ABCA13: variants seen among roughly 807,000 people sequenced by gnomAD.
The protein encoded by ABCA13 is ATP-binding cassette sub-family A member 13.
Under a neutral mutation model 478.7 loss-of-function variants are expected in ABCA13, and 476 were observed. The observed-to-expected ratio is 0.99, with a 90% CI of 0.92 to 1.07. The LOEUF is 1.07. Ranked by LOEUF, ABCA13 falls within the 50% of genes least tolerant of loss-of-function variation. ABCA13 has a pLI of 0.00. For synonymous variants in ABCA13, 2,252 were observed against 2,158.9 expected (o/e 1.04, Z -1.20); for missense variants, 6,060 against 5,910.6 (o/e 1.03, Z -0.83).
At chr7:48,373,217 T>C (rs1200181177) in intron 33 of ABCA13, among the ~76,000 whole-genome samples, 1 of 152,116 alleles carries the variant, frequency 6.6e-6, no homozygotes, top group Non-Finnish European at 1.5e-5. Context: ...ACAGAGTCAT[T>C]AACAGAGACT....
rs564368976 is a variant in ABCA13 at position 48,344,053 on chromosome 7, A to G, written c.10204+5598A>G. ...GAAGGGTTCACTTAAATGTTTGGTGATATTATGTGTGAAGCATTAAAACCA... is the reference window on the plus strand; with the variant it reads ...GAAGGGTTCACTTAAATGTTTGGTGGTATTATGTGTGAAGCATTAAAACCA... On this transcript the variant is annotated intron_variant, in intron 29 of 61. Transcript: ENST00000435803. Among the ~76,000 whole-genome samples, 7 of 152,112 alleles carry G rather than the reference A, an allele frequency of 4.6e-5. No homozygotes were observed. In the South Asian group the frequency reaches 1.2e-3, roughly 27 times the overall value.
chr7:48,259,740 A>G (rs531609253), intron 15 of ABCA13, among the ~76,000 whole-genome samples: 3 of 151,762 alleles, frequency 2.0e-5, no homozygotes, highest in East Asian at 1.9e-4. Flanking sequence ...TGTGGCGCCC[A>G]GTAACTGTCT....
chr7:48,519,890 T>A (rs1225880032), intron 52 of ABCA13, 151 bp from the exon 53 acceptor site: 4 of 805,198 alleles, frequency 5.0e-6, no homozygotes, highest in Non-Finnish European at 5.5e-6. Flanking sequence ...ATACCTTTGT[T>A]TTGATGGCTG....
intron 58 of ABCA13, 85 bp downstream of exon 58, chr7:48,594,898 TTA>T: frequency 9.4e-7 from 1 of 1,064,636 alleles, no homozygotes; most frequent in Non-Finnish European, 1.4e-6. Context: ...CTGCACAGTG[TTA>T]CACATGGACA....
chr7:48,231,093 A>G (rs1453473614), intron 7 of ABCA13, among the ~76,000 whole-genome samples: 1 of 152,024 alleles, frequency 6.6e-6, no homozygotes, highest in Non-Finnish European at 1.5e-5. Flanking sequence ...TGATAGGTGC[A>G]GCAAATCACC....
intron 3 of ABCA13, among the ~76,000 whole-genome samples, chr7:48,211,771 C>T (rs191033881): frequency 5.8e-4 from 88 of 152,144 alleles, no homozygotes; most frequent in Middle Eastern, 6.8e-3. Context: ...GAAGCAAAGG[C>T]CTGGAATCAG....
intron 4 of ABCA13, among the ~76,000 whole-genome samples, chr7:48,220,311 C>T (rs1787180531): frequency 6.6e-6 from 1 of 152,026 alleles, no homozygotes; most frequent in Non-Finnish European, 1.5e-5. Flanking sequence ...ATTTAAATAA[C>T]AAAAATTTGT....
chr7:48,448,456 C>T (rs547155510), intron 42 of ABCA13, among the ~76,000 whole-genome samples: 1 of 152,266 alleles, frequency 6.6e-6, no homozygotes, highest in Admixed American at 6.5e-5. Context: ...TTTCAGCAAC[C>T]TTTATTCAAA....
chr7:48,417,791 G>A (rs1017385110), intron 41 of ABCA13, among the ~76,000 whole-genome samples: 1 of 152,164 alleles, frequency 6.6e-6, no homozygotes, highest in Non-Finnish European at 1.5e-5. Flanking sequence ...ATATGGAACA[G>A]TTTCACTGCC....
intron 31 of ABCA13, among the ~76,000 whole-genome samples, chr7:48,356,355 A>T (rs11972317): frequency 6.6e-6 from 1 of 151,182 alleles, no homozygotes; most frequent in Non-Finnish European, 1.5e-5. Flanking sequence ...AAGAAATGGG[A>T]GGTGACTTCT....
At chr7:48,368,720 TAC>T (rs1299881870) in intron 32 of ABCA13, among the ~76,000 whole-genome samples, 153 of 126,892 alleles carry the variant, frequency 1.2e-3, no homozygotes, top group South Asian at 1.6e-3. Flanking sequence ...TATATACACA[TAC>T]ACACACACAT....
intron 2 of ABCA13, among the ~76,000 whole-genome samples, chr7:48,196,560 A>C (rs1333330005): frequency 6.6e-6 from 1 of 152,072 alleles, no homozygotes; most frequent in Non-Finnish European, 1.5e-5. Context: ...AGGAGCATGC[A>C]CTCAGCACCA....
intron 27 of ABCA13, among the ~76,000 whole-genome samples, chr7:48,327,845 T>C (rs770076402): frequency 1.3e-5 from 2 of 152,194 alleles, no homozygotes; most frequent in Non-Finnish European, 2.9e-5. Flanking sequence ...ATCCCCAGAA[T>C]CCTGACTGCC....
rs186012582 is a variant in ABCA13, at chr7:48,555,577, T to G, written c.14355-24647T>G. ...TTGGTAGGTTGTATGTGTCTAGGAA[T>G]TTATCCATTTCCTCTAGATTTTCCA... On this transcript the variant is annotated intron_variant, in intron 55 of 61. Coordinates refer to ENST00000435803, the MANE Select transcript of ABCA13 (RefSeq NM_152701.5). Among the ~76,000 whole-genome samples the G allele has an allele frequency of 4.3e-4, 65 of 152,040 alleles. No individual in the cohort carries two copies. In the East Asian group the frequency reaches 0.012, roughly 28 times the overall value.
At chr7:48,291,102 G>A (rs1798472780) in intron 20 of ABCA13, among the ~76,000 whole-genome samples, 1 of 152,160 alleles carries the variant, frequency 6.6e-6, no homozygotes, top group African/African-American at 2.4e-5. Context: ...TCCTGAGTTT[G>A]CTACCATCCT....
In ABCA13 at chr7:48,489,323, A is replaced by G. The variant is rs1314982999; in HGVS notation, c.13270A>G (p.Thr4424Ala). The change falls in exon 48 of 62, where the codon ACT (threonine) becomes GCT (alanine). Residue 4424 changes from threonine to alanine, a missense_variant. Around this residue, in one of 3 missense-constraint regions of ABCA13, gnomAD observed 1,627 missense variants for 1,571.0 expected, o/e 1.04. Coordinates refer to ENST00000435803, the MANE Select transcript of ABCA13 (RefSeq NM_152701.5). Reference sequence around the variant, plus strand: ...TATTTTGTGGCAGCACCTACCCCCTACTGTGGACTGGAGACAATACGGTAA... The same window carrying G: ...TATTTTGTGGCAGCACCTACCCCCTGCTGTGGACTGGAGACAATACGGTAA... ...NLILWQHLPP[T>A]VDWRQYGITL... The G allele has an allele frequency of 1.2e-6, 2 of 1,608,064 alleles. No homozygotes were observed. Among genetic ancestry groups the G allele is most frequent in the East Asian group, 2.2e-5 (1 of 44,786 alleles).
intron 1 of ABCA13, among the ~76,000 whole-genome samples, chr7:48,190,874 CAT>C (rs1278660948): frequency 1.3e-5 from 2 of 152,020 alleles, no homozygotes; most frequent in African/African-American, 4.8e-5. Flanking sequence ...CTTAACCATA[CAT>C]ATGTTTATTT....
At chr7:48,350,451 AAGTGTAGAGTTTACACTC>A (rs1808785944) in intron 29 of ABCA13, among the ~76,000 whole-genome samples, 174 bp from the exon 30 acceptor site, 1 of 152,186 alleles carries the variant, frequency 6.6e-6, no homozygotes, top group African/African-American at 2.4e-5. Context: ...ATGTGTATAA[AAGTGTAGAGTTTACACTC>A]AGCAAGTAAA....
chr7:48,338,566 T>C, intron 29 of ABCA13, 111 bp downstream of exon 29: 1 of 653,406 alleles, frequency 1.5e-6, no homozygotes, highest in Non-Finnish European at 2.5e-6. Context: ...AGCAAGTCAC[T>C]TTTCCTCTCT....
Sources: gnomAD v4.1 joint callset for allele counts (sites outside exome capture counted in the v4.1 genomes callset) on GRCh38, gnomAD v4.1.1 for gene constraint, gnomAD v4.1.1 regional missense constraint, MANE v1.5 for transcripts, NCBI Gene and HGNC (gene_info 2026-07-23, HGNC 2026-07-21) for gene names.